ROBO1: variants seen among roughly 807,000 people sequenced by gnomAD.
The protein encoded by ROBO1 is roundabout homolog 1.
ROBO1 carries 149 observed loss-of-function variants against 195.9 expected under a neutral mutation model. That is an observed-to-expected ratio of 0.76 (90% CI 0.67 to 0.87). The LOEUF (loss-of-function observed/expected upper bound fraction) is 0.87, where lower values mean the gene tolerates loss of function less well. ROBO1 is among the 40% of genes least tolerant of loss of function. ROBO1 has a pLI of 0.00. For missense variants in ROBO1, 1,933 were observed against 2,068.3 expected (o/e 0.93, Z 1.27); for synonymous variants, 816 against 733.2 (o/e 1.11, Z -1.82).
chr3:79,411,488 T>A (rs536156855), intron 2 of ROBO1, among the ~76,000 whole-genome samples: 57 of 152,308 alleles, frequency 3.7e-4, no homozygotes, highest in Non-Finnish European at 7.2e-4. Flanking sequence ...TAATATTTGC[T>A]GTTTCTCATT....
chr3:79,533,130 G>A (rs1000347291), intron 2 of ROBO1: 1 of 430,428 alleles, frequency 2.3e-6, no homozygotes, highest in African/African-American at 2.1e-5. Context: ...AATAGGGAGA[G>A]GGCACTTTTA....
intron 1 of ROBO1, among the ~76,000 whole-genome samples, chr3:79,691,365 A>G (rs1249340593): frequency 2.0e-5 from 3 of 151,756 alleles, no homozygotes; most frequent in African/African-American, 7.2e-5. Flanking sequence ...GAGAGAAACA[A>G]TAGTATGTGA....
At chr3:79,463,916 T>G (rs1937800326) in intron 2 of ROBO1, among the ~76,000 whole-genome samples, 1 of 152,186 alleles carries the variant, frequency 6.6e-6, no homozygotes, top group African/African-American at 2.4e-5. Context: ...TCAAACTCAT[T>G]AACACTCATT....
intron 8 of ROBO1, chr3:78,693,475 T>C: frequency 1.4e-6 from 1 of 740,534 alleles, no homozygotes; most frequent in Non-Finnish European, 2.3e-6. Flanking sequence ...AAAGAACATG[T>C]TAATACTTGA....
chr3:79,395,340 A>AAAAAAAAAAAAAAAAAG (rs71631648), intron 2 of ROBO1, among the ~76,000 whole-genome samples: 7 of 119,060 alleles, frequency 5.9e-5, no homozygotes, highest in Non-Finnish European at 1.2e-4. Flanking sequence ...AAAAAAAAAA[A>AAAAAAAAAAAAAAAAAG]AAAGAAAGAA....
At chr3:79,323,208 A>G (rs988858939) in intron 2 of ROBO1, among the ~76,000 whole-genome samples, 6 of 151,918 alleles carry the variant, frequency 3.9e-5, no homozygotes, top group African/African-American at 2.4e-5. Flanking sequence ...TAGCCCCCCA[A>G]GTAGCTGGGA....
intron 2 of ROBO1, among the ~76,000 whole-genome samples, chr3:79,454,195 C>T (rs1038430074): frequency 2.1e-5 from 3 of 141,860 alleles, no homozygotes; most frequent in Non-Finnish European, 4.6e-5. Context: ...GGATTTAAGA[C>T]ATACTTGAAA....
chr3:79,222,629 A>G (rs1247070343), intron 2 of ROBO1, among the ~76,000 whole-genome samples: 1 of 151,854 alleles, frequency 6.6e-6, no homozygotes, highest in African/African-American at 2.4e-5. Flanking sequence ...ATCTTTAAAA[A>G]AAAAAACAGA....
At chr3:79,129,406 A>G (rs576617677) in intron 2 of ROBO1, among the ~76,000 whole-genome samples, 1 of 152,088 alleles carries the variant, frequency 6.6e-6, no homozygotes, top group East Asian at 1.9e-4. Flanking sequence ...ATATATGTAC[A>G]TACATAAATT....
intron 1 of ROBO1, among the ~76,000 whole-genome samples, chr3:79,678,366 A>G (rs1946846102): frequency 6.6e-6 from 1 of 152,010 alleles, no homozygotes; most frequent in Non-Finnish European, 1.5e-5. Context: ...AAATATTACT[A>G]TTATATCGAT....
chr3:79,016,327 A>C (rs994688259), intron 3 of ROBO1, among the ~76,000 whole-genome samples: 2 of 152,250 alleles, frequency 1.3e-5, no homozygotes, highest in African/African-American at 4.8e-5. Flanking sequence ...CACTTTAGAA[A>C]GAAGCTTTTG....
At chr3:78,937,983 G>A (rs1700518814) in intron 4 of ROBO1, 1 of 134,276 alleles carries the variant, frequency 7.4e-6, no homozygotes, top group South Asian at 2.5e-4. Context: ...GGATAAGAGA[G>A]AGAGTGAGTG....
intron 4 of ROBO1, among the ~76,000 whole-genome samples, chr3:78,879,315 T>C (rs1318388253): frequency 1.3e-5 from 2 of 152,198 alleles, no homozygotes; most frequent in African/African-American, 4.8e-5. Flanking sequence ...TGAGTTGATA[T>C]ATGTGTGACA....
intron 4 of ROBO1, among the ~76,000 whole-genome samples, chr3:78,821,712 C>T (rs1346054328): frequency 1.3e-5 from 2 of 152,020 alleles, no homozygotes; most frequent in Non-Finnish European, 2.9e-5. Flanking sequence ...TGGATTTGGC[C>T]CAAAGAGATT....
intron 9 of ROBO1, 73 bp from the exon 10 acceptor site, chr3:78,685,990 T>C (rs945334043): frequency 4.1e-6 from 5 of 1,227,492 alleles, no homozygotes; most frequent in Admixed American, 2.6e-5. Context: ...TTGGCACTTA[T>C]GCATTTACAT....
intron 5 of ROBO1, among the ~76,000 whole-genome samples, chr3:78,723,060 T>C (rs1280024942): frequency 1.3e-5 from 2 of 152,176 alleles, no homozygotes; most frequent in Non-Finnish European, 2.9e-5. Flanking sequence ...ATTACAATTA[T>C]AGGTCACATA....
At chr3:79,240,889 T>C (rs2082502171) in intron 2 of ROBO1, among the ~76,000 whole-genome samples, 1 of 152,138 alleles carries the variant, frequency 6.6e-6, no homozygotes, top group South Asian at 2.1e-4. Flanking sequence ...GTGAACCTCC[T>C]ACCTCAGCTT....
intron 27 of ROBO1, among the ~76,000 whole-genome samples, chr3:78,617,129 G>C (rs1704157087): frequency 6.6e-6 from 1 of 152,028 alleles, no homozygotes; most frequent in African/African-American, 2.4e-5. Context: ...GGGAATTAAG[G>C]AGAAATAGCC....
intron 2 of ROBO1, among the ~76,000 whole-genome samples, chr3:79,315,140 C>T (rs1348183848): frequency 1.3e-5 from 2 of 152,096 alleles, no homozygotes; most frequent in African/African-American, 4.8e-5. Context: ...TAGTGACACA[C>T]ATTTAAACTA....
Sources: gnomAD v4.1 joint callset for allele counts (sites outside exome capture counted in the v4.1 genomes callset) on GRCh38, gnomAD v4.1.1 for gene constraint, MANE v1.5 for transcripts, NCBI Gene and HGNC (gene_info 2026-07-23, HGNC 2026-07-21) for gene names.